UBE3A: variants seen among roughly 807,000 people sequenced by gnomAD.
UBE3A encodes the protein ubiquitin protein ligase E3A.
In UBE3A, 6 loss-of-function variants were observed where a neutral mutation model predicts 83.4. The ratio of observed to expected loss-of-function variants is 0.07; its 90% confidence interval spans 0.04 to 0.14. The LOEUF is 0.14. Among genes scored for constraint, UBE3A ranks in the 10% least tolerant of loss-of-function variants. UBE3A has a pLI of 1.00. For missense variants in UBE3A, 456 were observed against 1,036.1 expected, an observed-to-expected ratio of 0.44 and a Z score of 7.69; for synonymous variants, 337 against 355.4, an observed-to-expected ratio of 0.95 and a Z score of 0.58.
rs1365195799 is a variant in UBE3A, at chr15:25,334,164, C to T, written c.*4973G>A. 1 of 151,758 alleles carries T rather than the reference C, an allele frequency of 6.6e-6. No individual in the cohort carries two copies. Among genetic ancestry groups the T allele is most frequent in the Non-Finnish European group, 1.5e-5 (1 of 67,954 alleles). 9.4% of individuals were successfully genotyped at this position (151,758 alleles called of 1,614,324 possible). ...AGGAAGAAGTAAAAGTATTTCTGTT[C>T]ACAGATGCATGATCTCATATGCAAA... is the stretch of plus-strand genomic sequence containing the variant. On this transcript the variant is annotated 3_prime_UTR_variant, in exon 13 of 13. Coordinates refer to ENST00000648336, the MANE Select transcript of UBE3A (RefSeq NM_130839.5).
At chr15:25,341,309 G>A (rs570588369) in intron 11 of UBE3A, among the ~76,000 whole-genome samples, 137 of 151,640 alleles carry the variant, frequency 9.0e-4, no homozygotes, top group Non-Finnish European at 1.4e-3. Context: ...CTGACCTCGT[G>A]ATCCGCCCAC....
chr15:25,435,252 AC>A (rs1267391556), intron 1 of UBE3A, among the ~76,000 whole-genome samples: 2 of 152,074 alleles, frequency 1.3e-5, no homozygotes, highest in African/African-American at 4.8e-5. Flanking sequence ...ACACACACAC[AC>A]ACACACAAAT....
At chr15:25,342,360 C>T (rs1021930541) in intron 11 of UBE3A, among the ~76,000 whole-genome samples, 2 of 151,910 alleles carry the variant, frequency 1.3e-5, no homozygotes, top group South Asian at 2.1e-4. Context: ...GCAGTGGTCA[C>T]AATGACCAGT....
chr15:25,424,941 G>A (rs1425639504), intron 1 of UBE3A, among the ~76,000 whole-genome samples: 1 of 152,064 alleles, frequency 6.6e-6, no homozygotes, highest in South Asian at 2.1e-4. Context: ...TTCCCAAATA[G>A]ACCTACAGAT....
chr15:25,395,102 AAGGGTCAC>A (rs1422235888), intron 4 of UBE3A, among the ~76,000 whole-genome samples: 4 of 152,172 alleles, frequency 2.6e-5, no homozygotes, highest in Non-Finnish European at 5.9e-5. Flanking sequence ...TATCACAGAG[AAGGGTCAC>A]AGGGTCACAG....
intron 6 of UBE3A, among the ~76,000 whole-genome samples, chr15:25,366,553 A>T (rs2079133176): frequency 6.6e-6 from 1 of 152,134 alleles, no homozygotes; most frequent in Admixed American, 6.6e-5. Flanking sequence ...TCCCTATTCA[A>T]TTCCACATCT....
In UBE3A at chr15:25,338,875, C is replaced by T; in HGVS notation, c.*262G>A. The T allele has an allele frequency of 5.3e-6, 1 of 190,384 alleles. No homozygotes were observed. Among genetic ancestry groups the T allele is most frequent in the Non-Finnish European group, 1.1e-5 (1 of 94,122 alleles). The allele number at this position is 190,384 out of a possible 1,614,324, so 11.8% of individuals were successfully genotyped here. On this transcript the variant is annotated 3_prime_UTR_variant, in exon 13 of 13. Transcript: ENST00000648336. ...CATACAAGTGAAAGAATATGTAACACTTTCACGCAAAAAAATAATTATAAT... is the reference window on the plus strand; with the variant it reads ...CATACAAGTGAAAGAATATGTAACATTTTCACGCAAAAAAATAATTATAAT...
chr15:25,339,554 A>C (rs1466528426), intron 12 of UBE3A: 2 of 296,448 alleles, frequency 6.7e-6, no homozygotes, highest in Non-Finnish European at 1.3e-5. Flanking sequence ...TTCCACAACA[A>C]AACCACAGAG....
intron 9 of UBE3A, 100 bp from the exon 10 acceptor site, chr15:25,354,783 A>C: frequency 8.9e-7 from 1 of 1,127,580 alleles, no homozygotes; most frequent in Non-Finnish European, 1.3e-6. Context: ...CAAGAAAAAA[A>C]CATTCAAGAA....
In UBE3A at chr15:25,333,785, G is replaced by A. The variant is rs1389383988; in HGVS notation, c.*5352C>T. ...GGACAACTGAGATTATCCCAGGAATGCAAAGTTAATTCAATATACAAAAGT... is the reference window on the plus strand; with the variant it reads ...GGACAACTGAGATTATCCCAGGAATACAAAGTTAATTCAATATACAAAAGT... On this transcript the variant is annotated 3_prime_UTR_variant, in exon 13 of 13. Coordinates refer to ENST00000648336, the MANE Select transcript of UBE3A (RefSeq NM_130839.5). 6.7e-6 allele frequency: 1 copy of A among 150,224 alleles called. No homozygotes were observed. Among genetic ancestry groups the A allele is most frequent in the African/African-American group, 2.5e-5 (1 of 40,660 alleles). The allele number at this position is 150,224 out of a possible 1,614,324, so 9.3% of individuals were successfully genotyped here. A position where few individuals can be genotyped will look rare whatever the true frequency, so the allele number is the denominator to read the frequency against.
intron 1 of UBE3A, among the ~76,000 whole-genome samples, chr15:25,430,420 G>C (rs988532457): frequency 4.1e-5 from 6 of 147,562 alleles, no homozygotes; most frequent in Admixed American, 2.1e-4. Flanking sequence ...TGGGGAATTA[G>C]ATCTTGACCA....
chr15:25,370,350 T>C lies in UBE3A; in HGVS notation c.1608+216A>G, dbSNP rs1018596659. ...TAGAAAACCCATTCTTTTTCAAAGA[T>C]AGCATGACCATTATATAATACAACC... On this transcript the variant is annotated intron_variant, in intron 6 of 12. Coordinates refer to ENST00000648336, the MANE Select transcript of UBE3A (RefSeq NM_130839.5). This position sits in a 1 kb window ranked among gnomAD's most constrained non-coding sequence, Gnocchi z 4.2. 6.6e-6 allele frequency among the ~76,000 whole-genome samples: 1 copy of C among 152,178 alleles called. No homozygotes were observed. The highest frequency in any genetic ancestry group is 2.4e-5 in the African/African-American group (1 of 41,456).
chr15:25,339,110 T>A lies in UBE3A; in HGVS notation c.*27A>T. 6.8e-7 allele frequency: 1 copy of A among 1,461,738 alleles called. No individual in the cohort carries two copies. Among genetic ancestry groups the A allele is most frequent in the Non-Finnish European group, 9.1e-7 (1 of 1,097,642 alleles). The allele number at this position is 1,461,738 out of a possible 1,614,324, so 90.5% of individuals were successfully genotyped here. A position where few individuals can be genotyped will look rare whatever the true frequency, so the allele number is the denominator to read the frequency against. ...TTTTTCTTTTTTTTTCCTTCCTTTT[T>A]TTTGTTTTATTTTGTTTTGTTTTGT... On this transcript the variant is annotated 3_prime_UTR_variant, in exon 13 of 13. Transcript: ENST00000648336.
At chr15:25,343,962 C>G (rs968939776) in intron 11 of UBE3A, among the ~76,000 whole-genome samples, 2 of 152,188 alleles carry the variant, frequency 1.3e-5, no homozygotes, top group African/African-American at 4.8e-5. Flanking sequence ...ACAACACATT[C>G]TGTTTGGAAA....
chr15:25,437,773 A>G (rs1426429296), intron 1 of UBE3A, among the ~76,000 whole-genome samples: 1 of 152,158 alleles, frequency 6.6e-6, no homozygotes, highest in Admixed American at 6.5e-5. Context: ...CATTTGGTAC[A>G]TTCAATTCTA....
At chr15:25,405,437 C>T in intron 4 of UBE3A, 24 bp downstream of exon 4, 1 of 1,613,546 alleles carries the variant, frequency 6.2e-7, no homozygotes, top group East Asian at 2.2e-5. Flanking sequence ...ATAAGAACCA[C>T]AGTCTCAACC....
chr15:25,424,119 C>T (rs1890628094), intron 1 of UBE3A, among the ~76,000 whole-genome samples: 1 of 152,150 alleles, frequency 6.6e-6, no homozygotes, highest in Admixed American at 6.5e-5. Context: ...CTTCCCATCT[C>T]ACTTATAGGT....
At chr15:25,428,981 A>G (rs1892229506) in intron 1 of UBE3A, among the ~76,000 whole-genome samples, 2 of 152,244 alleles carry the variant, frequency 1.3e-5, no homozygotes, top group African/African-American at 4.8e-5. Flanking sequence ...AGTGGGACAC[A>G]TACATTTTAT....
intron 6 of UBE3A, among the ~76,000 whole-genome samples, chr15:25,363,895 C>T (rs1033946058): frequency 6.6e-6 from 1 of 151,806 alleles, no homozygotes; most frequent in African/African-American, 2.4e-5. Context: ...AAATACTGTA[C>T]CACTTAAGAA....
Sources: gnomAD v4.1 joint callset for allele counts (sites outside exome capture counted in the v4.1 genomes callset) on GRCh38, gnomAD v4.1.1 for gene constraint, Gnocchi (gnomAD v3.1) non-coding constraint, MANE v1.5 for transcripts, NCBI Gene and HGNC (gene_info 2026-07-23, HGNC 2026-07-21) for gene names.